Variants in HIGD1A observed in about 807,000 individuals in gnomAD.
HIGD1A encodes HIG1 hypoxia inducible domain family member 1A, also known as HIG1 domain family member 1A, mitochondrial.
Under a neutral mutation model 11.3 loss-of-function variants are expected in HIGD1A, and 8 were observed. The observed-to-expected ratio is 0.71, with a 90% CI of 0.42 to 1.28. The LOEUF (loss-of-function observed/expected upper bound fraction) is 1.28, where lower values mean the gene tolerates loss of function less well. Among genes scored for constraint, HIGD1A ranks in the 50% most tolerant of loss-of-function variants. The pLI is 0.01. For synonymous variants in HIGD1A, 32 were observed against 38.4 expected, an observed-to-expected ratio of 0.83 and a Z score of 0.62; for missense variants, 107 against 118.8, an observed-to-expected ratio of 0.90 and a Z score of 0.46.
At chr3:42,801,939 A>T (rs1262000454) in intron 1 of HIGD1A, among the ~76,000 whole-genome samples, 1 of 152,188 alleles carries the variant, frequency 6.6e-6, no homozygotes, top group Non-Finnish European at 1.5e-5. Flanking sequence ...CTGAGGCAGG[A>T]GGGCTGCTTG....
At chr3:42,801,870 C>A (rs1038636922) in intron 1 of HIGD1A, among the ~76,000 whole-genome samples, 4 of 152,132 alleles carry the variant, frequency 2.6e-5, no homozygotes, top group Non-Finnish European at 5.9e-5. Context: ...TCTTTAAAAG[C>A]AAGAAAGTTG....
intron 1 of HIGD1A, among the ~76,000 whole-genome samples, chr3:42,800,253 C>T (rs752928859): frequency 1.1e-4 from 17 of 151,852 alleles, no homozygotes; most frequent in Non-Finnish European, 2.1e-4. Context: ...CGCTTGAACC[C>T]GGGAGGCAGA....
intron 1 of HIGD1A, among the ~76,000 whole-genome samples, chr3:42,802,215 T>C (rs962992124): frequency 7.9e-5 from 12 of 152,148 alleles, no homozygotes; most frequent in African/African-American, 2.9e-4. Context: ...CTTTCCTGTA[T>C]ATAAATCAAG....
In HIGD1A at chr3:42,794,166, C is replaced by G; in HGVS notation, c.88G>C (p.Val30Leu). 1.9e-6 allele frequency: 3 copies of G among 1,601,484 alleles called. No individual in the cohort carries two copies. Among genetic ancestry groups the G allele is most frequent in the Non-Finnish European group, 2.6e-6 (3 of 1,176,340 alleles). Residue 30 changes from valine to leucine, a missense_variant, in exon 2 of 4, where the codon GTA (valine) becomes CTA (leucine). Transcript: ENST00000321331. ...TGTCAGTCAAACTTACCAACGGGTACGAATGGTGCCTCTTTAGCTTTTCGA... is the reference window on the plus strand; with the variant it reads ...TGTCAGTCAAACTTACCAACGGGTAGGAATGGTGCCTCTTTAGCTTTTCGA... ...LIRKAKEAPF[V>L]PVGIAGFAAI...
At chr3:42,792,556 C>A (rs1403064835) in intron 2 of HIGD1A, among the ~76,000 whole-genome samples, 2 of 150,368 alleles carry the variant, frequency 1.3e-5, no homozygotes, top group African/African-American at 4.9e-5. Flanking sequence ...CACCTGTAGT[C>A]CCAGCTACTC....
chr3:42,787,594 A>AAAAAATATATATATATATAT (rs1383516264), intron 2 of HIGD1A, among the ~76,000 whole-genome samples: 1 of 141,256 alleles, frequency 7.1e-6, no homozygotes, highest in African/African-American at 2.6e-5. Context: ...CCATCTCAAA[A>AAAAAATATATATATATATAT]ATATATATAT....
rs1700338370 is a variant in HIGD1A at position 42,785,461 on chromosome 3, T to C, written c.233-141A>G. 7 of 624,580 alleles carry C rather than the reference T, an allele frequency of 1.1e-5. No homozygotes were observed. In the East Asian group the frequency reaches 2.0e-4, roughly 18 times the overall value. The allele number at this position is 624,580 out of a possible 1,614,324, so 38.7% of individuals were successfully genotyped here. ...GGGGAATAAGACCCTAGGAAGCTTATACTCTTGCCTTCTTAAACATCTTAA... is the reference window on the plus strand; with the variant it reads ...GGGGAATAAGACCCTAGGAAGCTTACACTCTTGCCTTCTTAAACATCTTAA... On this transcript the variant is annotated intron_variant, in intron 3 of 3. Coordinates refer to ENST00000321331, the MANE Select transcript of HIGD1A (RefSeq NM_014056.4).
chr3:42,801,824 G>C (rs1221822896), intron 1 of HIGD1A, among the ~76,000 whole-genome samples: 2 of 152,072 alleles, frequency 1.3e-5, no homozygotes, highest in African/African-American at 4.8e-5. Flanking sequence ...TTTTTTGCCT[G>C]AATCATTTCT....
chr3:42,786,175 G>A lies in HIGD1A; in HGVS notation c.98-13C>T. On this transcript the variant is annotated splice_polypyrimidine_tract_variant and intron_variant, in intron 2 of 3. Coordinates refer to ENST00000321331, the MANE Select transcript of HIGD1A (RefSeq NM_014056.4). ...AAACCCGCTATTCCTGTAAAACAAA[G>A]TAACAAGTATGTCAGATGCATGAGA... The A allele has an allele frequency of 6.2e-7, 1 of 1,613,836 alleles. No individual in the cohort carries two copies. Among genetic ancestry groups the A allele is most frequent in the Non-Finnish European group, 8.5e-7 (1 of 1,179,804 alleles).
chr3:42,793,686 G>A (rs558965668), intron 2 of HIGD1A, among the ~76,000 whole-genome samples: 1 of 152,324 alleles, frequency 6.6e-6, no homozygotes, highest in African/African-American at 2.4e-5. Context: ...AATAAAATAA[G>A]AAGTCTCAGC....
At chr3:42,786,882 C>A (rs1197310831) in intron 2 of HIGD1A, among the ~76,000 whole-genome samples, 1 of 152,124 alleles carries the variant, frequency 6.6e-6, no homozygotes, top group African/African-American at 2.4e-5. Context: ...CTCAGGTGAT[C>A]CTCTTCGCTC....
At chr3:42,789,526 AT>A (rs1474715138) in intron 2 of HIGD1A, among the ~76,000 whole-genome samples, 1 of 149,790 alleles carries the variant, frequency 6.7e-6, no homozygotes, top group African/African-American at 2.4e-5. Context: ...TTAATAAAAA[AT>A]AAATTAAAAA....
chr3:42,792,368 A>G (rs1231627316), intron 2 of HIGD1A, among the ~76,000 whole-genome samples: 1 of 152,240 alleles, frequency 6.6e-6, no homozygotes, highest in Non-Finnish European at 1.5e-5. Context: ...ATATAAATTA[A>G]GTCATTCTTA....
Position 42,783,338 on chromosome 3 carries a change from G to A in HIGD1A, c.*1933C>T, listed in dbSNP as rs1040847584. 1.3e-5 allele frequency among the ~76,000 whole-genome samples: 2 copies of A among 152,210 alleles called. No homozygotes were observed. Among genetic ancestry groups the A allele is most frequent in the Non-Finnish European group, 2.9e-5 (2 of 68,036 alleles). On this transcript the variant is annotated 3_prime_UTR_variant, in exon 4 of 4. Transcript: ENST00000321331. ...TAATCACATTTAACATACAAAAGTA[G>A]GTCAGGTGTGGTGGATTATGCTTGT...
At chr3:42,793,248 C>G (rs1418468971) in intron 2 of HIGD1A, among the ~76,000 whole-genome samples, 1 of 152,004 alleles carries the variant, frequency 6.6e-6, no homozygotes, top group Non-Finnish European at 1.5e-5. Flanking sequence ...CACCTTTCAT[C>G]TGTTTTAACT....
Position 42,784,075 on chromosome 3 carries a change from C to CA in HIGD1A, c.*1195dup, listed in dbSNP as rs5848628. 2.0e-5 allele frequency among the ~76,000 whole-genome samples: 2 copies of CA among 100,148 alleles called. No individual in the cohort carries two copies. Among genetic ancestry groups the CA allele is most frequent in the African/African-American group, 3.7e-5 (1 of 27,076 alleles). The allele number at this position is 100,148 out of a possible 152,430, so 65.7% of individuals were successfully genotyped here. A position where few individuals can be genotyped will look rare whatever the true frequency, so the allele number is the denominator to read the frequency against. Reference sequence around the variant, plus strand: ...AAGATGACAGAGAATAACTCCGTCTCAAAAAAAAAAAAAAAAAATTTATAT... The same window carrying CA: ...AAGATGACAGAGAATAACTCCGTCTCAAAAAAAAAAAAAAAAAAATTTATAT... On this transcript the variant is annotated 3_prime_UTR_variant, in exon 4 of 4. Coordinates refer to ENST00000321331, the MANE Select transcript of HIGD1A (RefSeq NM_014056.4).
At chr3:42,801,834 TA>T (rs1377369235) in intron 1 of HIGD1A, among the ~76,000 whole-genome samples, 1 of 152,248 alleles carries the variant, frequency 6.6e-6, no homozygotes, top group African/African-American at 2.4e-5. Context: ...GAATCATTTC[TA>T]AACTAAAAAA....
At chr3:42,786,234 A>G in intron 2 of HIGD1A, 72 bp from the exon 3 acceptor site, 1 of 1,450,160 alleles carries the variant, frequency 6.9e-7, no homozygotes, top group African/African-American at 1.4e-5. Flanking sequence ...CAGTCAATGT[A>G]CATTCTATTA....
intron 1 of HIGD1A, chr3:42,804,217 A>C (rs1575367302): frequency 6.2e-7 from 1 of 1,603,212 alleles, no homozygotes. Flanking sequence ...GTCTCCCCTC[A>C]CCCGAAGGAC....
Sources: gnomAD v4.1 joint callset for allele counts (sites outside exome capture counted in the v4.1 genomes callset) on GRCh38, gnomAD v4.1.1 for gene constraint, MANE v1.5 for transcripts, NCBI Gene and HGNC (gene_info 2026-07-23, HGNC 2026-07-21) for gene names.